Variants in FANCC observed in about 807,000 individuals in gnomAD.
The protein encoded by FANCC is Fanconi anemia group C protein.
Under a neutral mutation model 71.3 loss-of-function variants are expected in FANCC, and 55 were observed. The ratio of observed to expected loss-of-function variants is 0.77; its 90% CI spans 0.62 to 0.97. FANCC has a LOEUF of 0.97. FANCC is among the 50% of genes least tolerant of loss of function. The probability of loss-of-function intolerance (pLI) is 0.00; values close to 1 mark genes in which losing one functional copy is unlikely to be tolerated. For missense variants in FANCC, 678 were observed against 670.9 expected (o/e 1.01, Z -0.12); for synonymous variants, 275 against 244.9 (o/e 1.12, Z -1.15).
intron 13 of FANCC, among the ~76,000 whole-genome samples, chr9:95,107,967 A>G (rs1447571660): frequency 2.0e-5 from 3 of 152,220 alleles, no homozygotes; most frequent in South Asian, 2.1e-4. Flanking sequence ...GCTTGCTACA[A>G]GAATGGTACA....
At chr9:95,286,063 A>G (rs1250522381) in intron 1 of FANCC, among the ~76,000 whole-genome samples, 2 of 152,216 alleles carry the variant, frequency 1.3e-5, no homozygotes, top group Non-Finnish European at 2.9e-5. Flanking sequence ...TTAGACTTAA[A>G]TGTAAGACTA....
chr9:95,178,388 AGAATGGCCG>A (rs1242518184), intron 4 of FANCC, among the ~76,000 whole-genome samples: 1 of 152,228 alleles, frequency 6.6e-6, no homozygotes, highest in Non-Finnish European at 1.5e-5. Flanking sequence ...ATCCAGGTTC[AGAATGGCCG>A]CCTTATCCCT....
chr9:95,315,627 T>C (rs1835693783), intron 1 of FANCC, among the ~76,000 whole-genome samples: 1 of 152,196 alleles, frequency 6.6e-6, no homozygotes, highest in East Asian at 1.9e-4. Flanking sequence ...ATTAAGTCAA[T>C]CACTCAAGAT....
chr9:95,217,555 A>G lies in FANCC; in HGVS notation c.345+23094T>C, dbSNP rs1023992206. ...AAAAGAAATCACAAGGAAAATTAGT[A>G]AATTTTTTTTAACTAAATTTAAATA... On this transcript the variant is annotated intron_variant, in intron 4 of 14. Transcript: ENST00000289081. Among the ~76,000 whole-genome samples the G allele has an allele frequency of 2.7e-5, 4 of 150,474 alleles. No homozygotes were observed. The South Asian group carries it at 6.2e-4, about 23-fold the overall frequency.
Position 95,278,624 on chromosome 9 carries a change from C to T in FANCC, c.-78-29255G>A, listed in dbSNP as rs572008781. On this transcript the variant is annotated intron_variant, in intron 1 of 14. Coordinates refer to ENST00000289081, the MANE Select transcript of FANCC (RefSeq NM_000136.3). ...TAAACAAGTAACACTCTACAGTGCA[C>T]GGTGTCACTAAGCAATGATGTGCAC... Among the ~76,000 whole-genome samples, 5 of 152,244 alleles carry T rather than the reference C, an allele frequency of 3.3e-5. No individual in the cohort carries two copies. The East Asian group carries it at 5.8e-4, about 18-fold the overall frequency.
At chr9:95,212,099 T>G (rs1212377468) in intron 4 of FANCC, among the ~76,000 whole-genome samples, 1 of 152,114 alleles carries the variant, frequency 6.6e-6, no homozygotes, top group Non-Finnish European at 1.5e-5. Context: ...GGGAAAATTA[T>G]GACAAGAACC....
At chr9:95,271,302 T>C (rs1421654244) in intron 1 of FANCC, among the ~76,000 whole-genome samples, 4 of 152,190 alleles carry the variant, frequency 2.6e-5, no homozygotes, top group Non-Finnish European at 4.4e-5. Context: ...TATTACCTTG[T>C]ACAACAACAA....
intron 6 of FANCC, among the ~76,000 whole-genome samples, chr9:95,166,540 A>G (rs746514350): frequency 1.3e-4 from 20 of 151,986 alleles, no homozygotes; most frequent in Non-Finnish European, 2.5e-4. Flanking sequence ...ATCCTTTTCT[A>G]TTTTGTATCT....
intron 10 of FANCC, among the ~76,000 whole-genome samples, chr9:95,118,447 C>T (rs1249072557): frequency 6.6e-6 from 1 of 152,238 alleles, no homozygotes; most frequent in African/African-American, 2.4e-5. Flanking sequence ...AAATCTATAA[C>T]GCATGGAGTG....
intron 8 of FANCC, among the ~76,000 whole-genome samples, chr9:95,129,140 G>GA (rs901861108): frequency 4.0e-5 from 6 of 151,530 alleles, no homozygotes; most frequent in Non-Finnish European, 5.9e-5. Flanking sequence ...TGACCTCACT[G>GA]AAAAAAAAGA....
At chr9:95,217,695 C>G (rs911910587) in intron 4 of FANCC, among the ~76,000 whole-genome samples, 1 of 151,978 alleles carries the variant, frequency 6.6e-6, no homozygotes, top group Non-Finnish European at 1.5e-5. Context: ...GTATTTGTCA[C>G]CAGCTTAAGA....
chr9:95,121,997 A>G (rs193105676), intron 10 of FANCC, among the ~76,000 whole-genome samples: 66 of 151,838 alleles, frequency 4.3e-4, no homozygotes, highest in South Asian at 3.1e-3. Context: ...AGCTGGGACT[A>G]TAAGCGCCCA....
At chr9:95,136,068 A>G (rs1034542934) in intron 7 of FANCC, among the ~76,000 whole-genome samples, 3 of 152,188 alleles carry the variant, frequency 2.0e-5, no homozygotes, top group Non-Finnish European at 2.9e-5. Flanking sequence ...ACTAATTATA[A>G]TCGGTTGCTT....
chr9:95,160,018 G>A lies in FANCC; in HGVS notation c.522-9931C>T, dbSNP rs576821521. ...TGGTAGTTTCTTTTGCTGTGCAGAA[G>A]CTCTTTAGTTTAATTAGATCCCATT... On this transcript the variant is annotated intron_variant, in intron 6 of 14. Transcript: ENST00000289081. 2.7e-4 allele frequency among the ~76,000 whole-genome samples: 41 copies of A among 152,242 alleles called. No individual in the cohort carries two copies. In the South Asian group the frequency reaches 8.3e-3, roughly 31 times the overall value.
chr9:95,226,617 T>C (rs1053754085), intron 4 of FANCC, among the ~76,000 whole-genome samples: 2 of 152,126 alleles, frequency 1.3e-5, no homozygotes, highest in African/African-American at 4.8e-5. Flanking sequence ...CTTCCCCTTA[T>C]ACTTCTCAGG....
intron 4 of FANCC, among the ~76,000 whole-genome samples, chr9:95,191,600 A>T (rs753438603): frequency 1.3e-5 from 2 of 152,054 alleles, no homozygotes; most frequent in South Asian, 2.1e-4. Flanking sequence ...TGACATCTGC[A>T]ACTGTGCAAT....
chr9:95,159,574 T>C (rs1830633531), intron 6 of FANCC, among the ~76,000 whole-genome samples: 1 of 152,220 alleles, frequency 6.6e-6, no homozygotes, highest in African/African-American at 2.4e-5. Flanking sequence ...GATCAAATGG[T>C]ATTTCTAGTT....
chr9:95,279,701 A>G (rs1833260723), intron 1 of FANCC, among the ~76,000 whole-genome samples: 1 of 152,168 alleles, frequency 6.6e-6, no homozygotes, highest in Non-Finnish European at 1.5e-5. Context: ...TAATCCCAGC[A>G]CTTTGGGAGG....
intron 1 of FANCC, among the ~76,000 whole-genome samples, chr9:95,287,787 CAACA>C (rs913193785): frequency 7.2e-5 from 11 of 152,112 alleles, no homozygotes; most frequent in African/African-American, 1.2e-4. Context: ...TTCTTGTGTA[CAACA>C]AAAAGGCAGG....
Sources: allele counts gnomAD v4.1 joint callset (sites outside exome capture counted in the v4.1 genomes callset), GRCh38; gene constraint gnomAD v4.1.1; transcripts MANE v1.5; gene names NCBI Gene and HGNC (gene_info 2026-07-23, HGNC 2026-07-21).